Variants in CDH8 observed in about 807,000 individuals in gnomAD.
CDH8 encodes cadherin-8.
Under a neutral mutation model 68.1 loss-of-function variants are expected in CDH8, and 17 were observed. The ratio of observed to expected loss-of-function variants is 0.25; its 90% CI spans 0.17 to 0.37. The LOEUF (loss-of-function observed/expected upper bound fraction) is 0.37. Among genes scored for constraint, CDH8 ranks in the 10% least tolerant of loss-of-function variants. The probability of loss-of-function intolerance (pLI) is 1.00; values close to 1 mark genes in which losing one functional copy is unlikely to be tolerated. For synonymous variants in CDH8, 372 were observed against 365.1 expected, an observed-to-expected ratio of 1.02 and a Z score of -0.21; for missense variants, 763 against 999.3, an observed-to-expected ratio of 0.76 and a Z score of 3.19.
At chr16:61,868,649 A>G (rs1963300108) in intron 3 of CDH8, among the ~76,000 whole-genome samples, 1 of 152,082 alleles carries the variant, frequency 6.6e-6, no homozygotes, top group Non-Finnish European at 1.5e-5. Context: ...ACATTATCAC[A>G]CGAGATCAAG....
chr16:61,706,044 A>C (rs1964523768), intron 10 of CDH8, among the ~76,000 whole-genome samples: 1 of 152,204 alleles, frequency 6.6e-6, no homozygotes, highest in Non-Finnish European at 1.5e-5. Flanking sequence ...TGAATGAATG[A>C]ATAAGGGAAA....
At chr16:61,957,665 T>C (rs1003939424) in intron 2 of CDH8, among the ~76,000 whole-genome samples, 1 of 152,124 alleles carries the variant, frequency 6.6e-6, no homozygotes, top group Non-Finnish European at 1.5e-5. Context: ...GCCACACAGG[T>C]TTTCTGAGTA....
rs574828671 is a variant in CDH8, at chr16:61,677,791, C to T, written c.1655-22070G>A. Among the ~76,000 whole-genome samples, 302 of 152,126 alleles carry T rather than the reference C, an allele frequency of 2.0e-3. 1 individual carries two copies. Among genetic ancestry groups the T allele is most frequent in the African/African-American group, 6.9e-3 (287 of 41,516 alleles). ...CCCCTAACCACCTGAATAGACCCCT[C>T]CTGTTGGCCAGGGCACTCCAAAATT... On this transcript the variant is annotated intron_variant, in intron 10 of 11. Coordinates refer to ENST00000577390, the MANE Select transcript of CDH8 (RefSeq NM_001796.5).
chr16:61,794,735 T>C (rs1444384765), intron 7 of CDH8, among the ~76,000 whole-genome samples: 1 of 152,078 alleles, frequency 6.6e-6, no homozygotes, highest in African/African-American at 2.4e-5. Flanking sequence ...GATCTCTGCA[T>C]TTCTGGTACC....
intron 2 of CDH8, among the ~76,000 whole-genome samples, chr16:62,011,068 G>A (rs149280208): frequency 6.6e-6 from 1 of 152,050 alleles, no homozygotes; most frequent in African/African-American, 2.4e-5. Flanking sequence ...AACCCAGCTG[G>A]GTTATTCTTA....
At chr16:61,784,551 A>G (rs1316836494) in intron 8 of CDH8, among the ~76,000 whole-genome samples, 1 of 143,124 alleles carries the variant, frequency 7.0e-6, no homozygotes, top group Admixed American at 7.1e-5. Context: ...CAACAAGGAT[A>G]CCCAGGAATT....
Position 61,821,034 on chromosome 16 carries a change from A to G in CDH8, c.915T>C (p.Ile305=). Residue 305 remains isoleucine, a synonymous_variant, in exon 6 of 12, where the codon ATT becomes ATC. Transcript: ENST00000577390. Reference sequence around the variant, plus strand: ...CATATGATGACTGTGCATTTTCACCAATATCCTGATCATTGGCCTTCACCC... The same window carrying G: ...CATATGATGACTGTGCATTTTCACCGATATCCTGATCATTGGCCTTCACCC... ...IGRVKANDQD[I]GENAQSSYDI... The G allele has an allele frequency of 6.2e-7, 1 of 1,612,932 alleles. No individual in the cohort carries two copies. The highest frequency in any genetic ancestry group is 1.1e-5 in the South Asian group (1 of 91,032).
At position 61,920,291 on chromosome 16, in the gene CDH8, G is replaced by C. The variant is rs1276092740; in HGVS notation, c.253-18818C>G. Among the ~76,000 whole-genome samples, 224 of 128,930 alleles carry C rather than the reference G, an allele frequency of 1.7e-3. 1 individual carries two copies. The highest frequency in any genetic ancestry group is 6.8e-3 in the African/African-American group (216 of 31,830). 84.6% of individuals were successfully genotyped at this position (128,930 alleles called of 152,430 possible). A position where few individuals can be genotyped will look rare whatever the true frequency, so the allele number is the denominator to read the frequency against. On this transcript the variant is annotated intron_variant, in intron 2 of 11. Transcript: ENST00000577390. The stretch of plus-strand genomic sequence containing the variant: ...ACTAAAGAGCTTCTGCACAGCAAAA[G>C]AAACTACCATCAGAGTGAACAGGCA...
At chr16:61,910,663 A>C (rs1056932367) in intron 2 of CDH8, among the ~76,000 whole-genome samples, 2 of 152,144 alleles carry the variant, frequency 1.3e-5, no homozygotes, top group Admixed American at 1.3e-4. Context: ...TAATGCTGTT[A>C]AAGGCACGAT....
At position 61,782,558 on chromosome 16, in the gene CDH8, C is replaced by A. The variant is rs1490788046; in HGVS notation, c.1414+6788G>T. Among the ~76,000 whole-genome samples, 68 of 152,068 alleles carry A rather than the reference C, an allele frequency of 4.5e-4. 1 individual carries two copies. The South Asian group carries it at 0.014, about 31-fold the overall frequency. On this transcript the variant is annotated intron_variant, in intron 8 of 11. Coordinates refer to ENST00000577390, the MANE Select transcript of CDH8 (RefSeq NM_001796.5). Reference sequence around the variant, plus strand: ...GGCTTGCTTAGGTAAACAAAGCAGCCAGGAAGCTCGAACTGGGTGGAGCCC... The same window carrying A: ...GGCTTGCTTAGGTAAACAAAGCAGCAAGGAAGCTCGAACTGGGTGGAGCCC...
chr16:62,005,907 G>C (rs1406020929), intron 2 of CDH8, among the ~76,000 whole-genome samples: 1 of 152,104 alleles, frequency 6.6e-6, no homozygotes, highest in African/African-American at 2.4e-5. Context: ...CTCACTCAGG[G>C]CTTTCCTACC....
intron 3 of CDH8, among the ~76,000 whole-genome samples, chr16:61,874,000 G>A (rs1963416922): frequency 6.6e-6 from 1 of 152,074 alleles, no homozygotes; most frequent in Non-Finnish European, 1.5e-5. Flanking sequence ...AGGTCGTAGT[G>A]AGCCAAGATC....
chr16:61,828,850 T>A (rs888826956), intron 4 of CDH8, among the ~76,000 whole-genome samples: 1 of 151,872 alleles, frequency 6.6e-6, no homozygotes, highest in African/African-American at 2.4e-5. Context: ...ATAACCAGCT[T>A]CTCACTGTGG....
At chr16:62,013,547 C>T (rs1901867045) in intron 2 of CDH8, among the ~76,000 whole-genome samples, 1 of 152,142 alleles carries the variant, frequency 6.6e-6, no homozygotes, top group Admixed American at 6.6e-5. Context: ...ATATGCCAGG[C>T]ACTCTGACTG....
intron 1 of CDH8, among the ~76,000 whole-genome samples, chr16:62,030,366 T>C (rs1902296006): frequency 6.6e-6 from 1 of 151,834 alleles, no homozygotes. Flanking sequence ...TAAGTATGAA[T>C]TGTTTTTTGT....
At chr16:61,672,796 T>C (rs1963824653) in intron 10 of CDH8, among the ~76,000 whole-genome samples, 1 of 152,074 alleles carries the variant, frequency 6.6e-6, no homozygotes, top group South Asian at 2.1e-4. Context: ...AGATTCATAT[T>C]GAGGAAGAGT....
chr16:61,684,985 T>C (rs141119073), intron 10 of CDH8, among the ~76,000 whole-genome samples: 3 of 152,044 alleles, frequency 2.0e-5, no homozygotes, highest in African/African-American at 7.2e-5. Context: ...CTGTCAATAT[T>C]TAAGTTACCC....
intron 8 of CDH8, among the ~76,000 whole-genome samples, chr16:61,768,372 TTCTCTC>T (rs751682006): frequency 5.1e-5 from 2 of 38,934 alleles, no homozygotes; most frequent in African/African-American, 2.4e-4. Flanking sequence ...CTCTCTCCCT[TTCTCTC>T]TCTCTCTCTC....
chr16:61,919,305 G>C (rs1027538179), intron 2 of CDH8, among the ~76,000 whole-genome samples: 1 of 148,554 alleles, frequency 6.7e-6, no homozygotes, highest in Non-Finnish European at 1.5e-5. Flanking sequence ...ACGGAACAAA[G>C]CTGGACGGAG....
Sources: gnomAD v4.1 joint callset for allele counts (sites outside exome capture counted in the v4.1 genomes callset) on GRCh38, gnomAD v4.1.1 for gene constraint, MANE v1.5 for transcripts, NCBI Gene and HGNC (gene_info 2026-07-23, HGNC 2026-07-21) for gene names.